Variants in YBEY observed in about 807,000 individuals in gnomAD.
The protein encoded by YBEY is endoribonuclease YbeY.
A neutral mutation model predicts 13.5 loss-of-function variants in YBEY; 15 were observed. The ratio of observed to expected loss-of-function variants is 1.11; its 90% CI spans 0.75 to 1.72. YBEY has a LOEUF of 1.72. Among genes scored for constraint, YBEY ranks in the 40% most tolerant of loss-of-function variants. YBEY has a pLI of 0.00. For missense variants in YBEY, 244 were observed against 208.4 expected (o/e 1.17, Z -1.05); for synonymous variants, 101 against 83.1 (o/e 1.21, Z -1.17).
intron 2 of YBEY, among the ~76,000 whole-genome samples, chr21:46,290,367 G>T (rs1381764370): frequency 6.6e-6 from 1 of 151,994 alleles, no homozygotes; most frequent in African/African-American, 2.4e-5. Context: ...CATCACACCT[G>T]GCTAATTTTT....
chr21:46,309,792 C>G, the YBEY span, among the ~76,000 whole-genome samples: 1 of 151,984 alleles, frequency 6.6e-6, no homozygotes, highest in Admixed American at 6.6e-5. Context: ...GTCAGGAGTT[C>G]AAGACCAGCC....
At chr21:46,299,132 A>C (rs2082047516), downstream of YBEY, among the ~76,000 whole-genome samples, 1 of 148,560 alleles carries the variant, frequency 6.7e-6, no homozygotes, top group Non-Finnish European at 1.5e-5. Flanking sequence ...ACACCTGGCT[A>C]ATTTTTGTAT....
the YBEY span, among the ~76,000 whole-genome samples, chr21:46,306,609 A>T: frequency 0.3 from 44,973 of 152,032 alleles, 7,332 homozygotes; most frequent in Admixed American, 0.4. Flanking sequence ...TTATTTAGAG[A>T]CAGGGTTTCA....
chr21:46,296,320 CCG>C, intron 4 of YBEY, 90 bp downstream of exon 4: 1 of 1,456,314 alleles, frequency 6.9e-7, no homozygotes, highest in Non-Finnish European at 9.5e-7. Flanking sequence ...TCCATCTTGA[CCG>C]CCCCCGCAGG....
At chr21:46,290,711 C>A (rs1045819874) in intron 2 of YBEY, among the ~76,000 whole-genome samples, 1 of 151,350 alleles carries the variant, frequency 6.6e-6, no homozygotes, top group African/African-American at 2.4e-5. Context: ...GAGTTCGAGA[C>A]CAGCCTGACC....
At chr21:46,304,411 C>T in the YBEY span, among the ~76,000 whole-genome samples, 2 of 151,294 alleles carry the variant, frequency 1.3e-5, no homozygotes, top group Non-Finnish European at 2.9e-5. Flanking sequence ...TGCTTGAGCC[C>T]AGAAGTTGAG....
downstream of YBEY, chr21:46,301,787 C>G: frequency 8.1e-7 from 1 of 1,239,860 alleles, no homozygotes; most frequent in Non-Finnish European, 1.0e-6. Context: ...TGCAGGGGAC[C>G]CGGAGCAAGG....
chr21:46,291,284 G>C, intron 2 of YBEY, 50 bp from the exon 3 acceptor site: 1 of 1,610,098 alleles, frequency 6.2e-7, no homozygotes, highest in Admixed American at 1.7e-5. Context: ...GTCAACCTGT[G>C]GTTGGGTTAC....
chr21:46,286,824 T>C (rs1426596411), intron 1 of YBEY, 46 bp from the exon 2 acceptor site: 1 of 1,153,720 alleles, frequency 8.7e-7, no homozygotes, highest in East Asian at 2.4e-5. Flanking sequence ...TTACAGACCG[T>C]ATTATCACTT....
the YBEY span, among the ~76,000 whole-genome samples, chr21:46,303,732 TATATA>T: frequency 3.2e-5 from 1 of 31,710 alleles, no homozygotes; most frequent in Non-Finnish European, 5.7e-5. Context: ...TATATATATA[TATATA>T]TATATATATT....
the YBEY span, among the ~76,000 whole-genome samples, chr21:46,305,440 C>T: frequency 6.6e-6 from 1 of 151,768 alleles, no homozygotes; most frequent in African/African-American, 2.4e-5. Flanking sequence ...AGGGATCCCC[C>T]CATCTCATCC....
downstream of YBEY, among the ~76,000 whole-genome samples, chr21:46,298,145 G>A (rs1311506657): frequency 6.6e-6 from 1 of 152,210 alleles, no homozygotes; most frequent in Non-Finnish European, 1.5e-5. Flanking sequence ...CGAGGCCGCC[G>A]AGCAGCACCT....
downstream of YBEY, among the ~76,000 whole-genome samples, chr21:46,298,434 C>CTTTTTTTGTTTTTTTTTTTT (rs1555922544): frequency 1.3e-4 from 13 of 97,176 alleles, 3 homozygotes; most frequent in African/African-American, 4.6e-4. Context: ...TTAATCCAAG[C>CTTTTTTTGTTTTTTTTTTTT]TTTTTTTTTT....
the YBEY span, chr21:46,313,031 T>A: frequency 2.0e-6 from 2 of 985,342 alleles, no homozygotes; most frequent in South Asian, 9.4e-5. Flanking sequence ...GCCTTGTCCC[T>A]TCTTCCTCAG....
chr21:46,311,239 T>C, the YBEY span, among the ~76,000 whole-genome samples: 1 of 152,204 alleles, frequency 6.6e-6, no homozygotes, highest in African/African-American at 2.4e-5. Context: ...TGAGTTGGAA[T>C]TGGAGCCCAA....
intron 2 of YBEY, 21 bp from the exon 3 acceptor site, chr21:46,291,313 C>T (rs2081700306): frequency 6.2e-7 from 1 of 1,613,354 alleles, no homozygotes; most frequent in South Asian, 1.1e-5. Flanking sequence ...TTCTCTAAGT[C>T]TACATTTCCT....
At chr21:46,306,001 G>A in the YBEY span, among the ~76,000 whole-genome samples, 8 of 151,564 alleles carry the variant, frequency 5.3e-5, no homozygotes, top group African/African-American at 1.7e-4. Flanking sequence ...TTGGGAGGCT[G>A]AGGTGGGAGG....
intron 3 of YBEY, chr21:46,291,938 GA>G: frequency 1.5e-6 from 1 of 677,980 alleles, no homozygotes; most frequent in African/African-American, 2.0e-5. Context: ...TAGCCAAGCA[GA>G]AAGGCTGGAG....
chr21:46,293,160 C>G (rs1456450579), intron 3 of YBEY, among the ~76,000 whole-genome samples: 86 of 83,006 alleles, frequency 1.0e-3, no homozygotes, highest in African/African-American at 3.1e-3. Context: ...AAGTTAAACT[C>G]TAGATTAAAT....
Sources: gnomAD v4.1 joint callset for allele counts (sites outside exome capture counted in the v4.1 genomes callset) on GRCh38, gnomAD v4.1.1 for gene constraint, MANE v1.5 for transcripts, NCBI Gene and HGNC (gene_info 2026-07-23, HGNC 2026-07-21) for gene names.